Variants in RUNX1T1 observed in about 807,000 individuals in gnomAD.
RUNX1T1 encodes the protein protein CBFA2T1.
A neutral mutation model predicts 62.8 loss-of-function variants in RUNX1T1; 4 were observed. The ratio of observed to expected loss-of-function variants is 0.06; its 90% CI spans 0.03 to 0.15. RUNX1T1 has a LOEUF of 0.15. Among genes scored for constraint, RUNX1T1 ranks in the 10% least tolerant of loss-of-function variants. The pLI, the probability that RUNX1T1 is intolerant of heterozygous loss-of-function variation, is 1.00. For missense variants in RUNX1T1, 508 were observed against 754.3 expected (o/e 0.67, Z 3.82); for synonymous variants, 291 against 286.0 (o/e 1.02, Z -0.18).
intron 8 of RUNX1T1, among the ~76,000 whole-genome samples, chr8:91,976,864 G>A (rs1002997083): frequency 2.6e-5 from 4 of 151,836 alleles, no homozygotes; most frequent in Admixed American, 6.6e-5. Context: ...AGAAGAGTTC[G>A]GTAAGAAAAA....
chr8:91,955,772 A>G (rs1809271129), downstream of RUNX1T1: 2 of 225,832 alleles, frequency 8.9e-6, no homozygotes, highest in Non-Finnish European at 1.8e-5. Flanking sequence ...GCTACAACAC[A>G]GTATATAAGA....
intron 5 of RUNX1T1, among the ~76,000 whole-genome samples, chr8:92,002,250 C>A (rs940646594): frequency 6.6e-6 from 1 of 152,000 alleles, no homozygotes; most frequent in Non-Finnish European, 1.5e-5. Flanking sequence ...CACAGACCTA[C>A]AAAATCAGTA....
chr8:91,975,932 C>T (rs372632074), exon 9 of RUNX1T1: 13 of 1,613,026 alleles, frequency 8.1e-6, no homozygotes, highest in South Asian at 3.3e-5. Context: ...TCCTCTGGCA[C>T]GTATCCAGAC....
At chr8:91,988,858 G>T (rs921194052) in intron 6 of RUNX1T1, among the ~76,000 whole-genome samples, 2 of 152,044 alleles carry the variant, frequency 1.3e-5, no homozygotes, top group Non-Finnish European at 2.9e-5. Context: ...AGATTCATTT[G>T]CCGCTTTTGA....
At chr8:92,073,052 C>T (rs1833918210) in intron 2 of RUNX1T1, among the ~76,000 whole-genome samples, 1 of 152,178 alleles carries the variant, frequency 6.6e-6, no homozygotes, top group South Asian at 2.1e-4. Context: ...TCCCAAGCTG[C>T]TTCCTCTTAC....
At position 92,017,215 on chromosome 8, in the gene RUNX1T1, T is replaced by C. The variant is rs765464194; in HGVS notation, c.145+11A>G. 1.2e-5 allele frequency: 19 copies of C among 1,550,590 alleles called. No individual in the cohort carries two copies. The highest frequency in any genetic ancestry group is 1.6e-5 in the Non-Finnish European group (18 of 1,135,178). ...AAAACTGAAACTCAAAAGCCTGAAA[T>C]GACTACTTACACGTTGTCGGTGTAA... On this transcript the variant is annotated intron_variant, in intron 2 of 10. Coordinates refer to ENST00000396218, the Ensembl canonical transcript of RUNX1T1.
At chr8:91,985,145 C>G (rs1816276587) in intron 8 of RUNX1T1, among the ~76,000 whole-genome samples, 1 of 152,142 alleles carries the variant, frequency 6.6e-6, no homozygotes, top group African/African-American at 2.4e-5. Context: ...GCAGCATGGA[C>G]AGTAACTTGA....
chr8:91,960,491 C>T lies in RUNX1T1; in HGVS notation c.1485G>A (p.Ala495=), dbSNP rs138291681. 563 of 1,614,142 alleles carry T rather than the reference C, an allele frequency of 3.5e-4. 1 individual carries two copies. The African/African-American group carries it at 4.7e-3, about 14-fold the overall frequency. Residue 495 remains alanine (A), a synonymous_variant, in exon 11 of 11, where the codon GCG becomes GCA. Coordinates refer to ENST00000396218, the Ensembl canonical transcript of RUNX1T1. The stretch of plus-strand genomic sequence containing the variant: ...TGTTACAGCCACTGCAGGTTTCACT[C>T]GCTTTACGGCCACAATTCCAGCAAC...
chr8:92,095,612 G>C, intron 1 of RUNX1T1: 1 of 1,389,178 alleles, frequency 7.2e-7, no homozygotes, highest in South Asian at 1.6e-5. Flanking sequence ...GGGAGGAAAA[G>C]TGGGAGAGAG....
At chr8:92,083,430 T>A (rs536001281) in intron 1 of RUNX1T1, among the ~76,000 whole-genome samples, 1 of 152,194 alleles carries the variant, frequency 6.6e-6, no homozygotes, top group East Asian at 1.9e-4. Context: ...TCAAAAAGTG[T>A]GTGAAGCATA....
intron 8 of RUNX1T1, among the ~76,000 whole-genome samples, chr8:91,980,321 A>G (rs1479711728): frequency 6.6e-6 from 1 of 152,242 alleles, no homozygotes; most frequent in African/African-American, 2.4e-5. Flanking sequence ...ATACAAGGGT[A>G]CAAAACTCCA....
At chr8:92,090,627 G>A (rs1365827122) in intron 1 of RUNX1T1, among the ~76,000 whole-genome samples, 1 of 152,182 alleles carries the variant, frequency 6.6e-6, no homozygotes. Flanking sequence ...ATTCCTAAGT[G>A]GGGGTGAAGA....
chr8:92,041,128 G>T (rs906147937), intron 1 of RUNX1T1, among the ~76,000 whole-genome samples: 1 of 152,142 alleles, frequency 6.6e-6, no homozygotes, highest in African/African-American at 2.4e-5. Flanking sequence ...CAATGCAATA[G>T]ATCTTATTCA....
At position 91,975,267 on chromosome 8, in the gene RUNX1T1, A is replaced by G. The variant is rs1246077176; in HGVS notation, c.1267+638T>C. Among the ~76,000 whole-genome samples, 4 of 152,348 alleles carry G rather than the reference A, an allele frequency of 2.6e-5. No individual in the cohort carries two copies. The East Asian group carries it at 7.7e-4, about 29-fold the overall frequency. ...GTGGGTCATGAGGAGCTTTAAATCT[A>G]CTATTACAAAATATAGAGCAGCATC... On this transcript the variant is annotated intron_variant, in intron 9 of 10. Transcript: ENST00000396218.
intron 1 of RUNX1T1, among the ~76,000 whole-genome samples, chr8:92,045,119 C>T (rs1322383851): frequency 6.6e-6 from 1 of 150,708 alleles, no homozygotes; most frequent in Non-Finnish European, 1.5e-5. Flanking sequence ...ATTTTATTTT[C>T]CATATGGAAA....
chr8:92,103,354 G>A (rs1586051642), upstream of RUNX1T1: 2 of 180,802 alleles, frequency 1.1e-5, no homozygotes, highest in East Asian at 1.9e-4. Flanking sequence ...GAGCAGGAGC[G>A]CCGCGCGCTG....
chr8:92,017,292 G>A, exon 2 of RUNX1T1: 1 of 1,614,074 alleles, frequency 6.2e-7, no homozygotes, highest in South Asian at 1.1e-5. Context: ...GGCATTGTTG[G>A]AGGAGTCAGC....
chr8:92,043,512 A>T (rs1828838270), intron 1 of RUNX1T1, among the ~76,000 whole-genome samples: 1 of 151,966 alleles, frequency 6.6e-6, no homozygotes. Flanking sequence ...AAATTTACAT[A>T]AAATTTTAAA....
exon 3 of RUNX1T1, chr8:92,014,735 A>G (rs775861396): frequency 2.5e-6 from 4 of 1,614,002 alleles, no homozygotes; most frequent in Non-Finnish European, 2.5e-6. Context: ...AGGAGGAGGA[A>G]GAAGAGGAAG....
Sources: gnomAD v4.1 joint callset for allele counts (sites outside exome capture counted in the v4.1 genomes callset) on GRCh38, gnomAD v4.1.1 for gene constraint, MANE v1.5 for transcripts, NCBI Gene and HGNC (gene_info 2026-07-23, HGNC 2026-07-21) for gene names.